The following ZC3H6 variants were observed in gnomAD, a reference collection of about 807,000 sequenced individuals.
The protein encoded by ZC3H6 is zinc finger CCCH domain-containing protein 6.
ZC3H6 carries 40 observed loss-of-function variants against 107.7 expected under a neutral mutation model. The observed-to-expected ratio is 0.37, with a 90% CI of 0.29 to 0.48. The LOEUF (loss-of-function observed/expected upper bound fraction) is 0.48. Among genes scored for constraint, ZC3H6 ranks in the 20% least tolerant of loss-of-function variants. The pLI is 0.98. For missense variants in ZC3H6, 1,267 were observed against 1,410.4 expected, an observed-to-expected ratio of 0.90 and a Z score of 1.63; for synonymous variants, 493 against 487.9, an observed-to-expected ratio of 1.01 and a Z score of -0.14.
Position 112,335,904 on chromosome 2 carries a change from C to A in ZC3H6, c.*3416C>A, listed in dbSNP as rs887530876. 1.3e-5 allele frequency: 2 copies of A among 152,156 alleles called. No homozygotes were observed. Among genetic ancestry groups the A allele is most frequent in the African/African-American group, 4.8e-5 (2 of 41,442 alleles). The allele number at this position is 152,156 out of a possible 1,614,324, so 9.4% of individuals were successfully genotyped here. A position where few individuals can be genotyped will look rare whatever the true frequency, so the allele number is the denominator to read the frequency against. On this transcript the variant is annotated 3_prime_UTR_variant, in exon 12 of 12. Coordinates refer to ENST00000409871, the MANE Select transcript of ZC3H6 (RefSeq NM_198581.3). ...TCAAGATCTGACTTCTCTGCACATTCTATACAGGTTGGATATTGATGGAGG... is the reference window on the plus strand; with the variant it reads ...TCAAGATCTGACTTCTCTGCACATTATATACAGGTTGGATATTGATGGAGG...
At chr2:112,294,750 A>G (rs752062687) in intron 1 of ZC3H6, among the ~76,000 whole-genome samples, 4 of 152,174 alleles carry the variant, frequency 2.6e-5, no homozygotes, top group Non-Finnish European at 4.4e-5. Flanking sequence ...CTATTAAGGC[A>G]TATCAGTTTG....
intron 3 of ZC3H6, among the ~76,000 whole-genome samples, chr2:112,305,891 T>C (rs1458053491): frequency 1.3e-5 from 2 of 152,198 alleles, no homozygotes; most frequent in Non-Finnish European, 2.9e-5. Flanking sequence ...TTACCACATA[T>C]GCTTTACCTA....
chr2:112,276,439 C>G (rs1686426117), intron 1 of ZC3H6, among the ~76,000 whole-genome samples: 3 of 138,392 alleles, frequency 2.2e-5, no homozygotes, highest in Non-Finnish European at 1.5e-5. Context: ...TGACTGCTTC[C>G]CGAGAACCGA....
chr2:112,298,991 T>C (rs1676303698), intron 1 of ZC3H6, among the ~76,000 whole-genome samples: 1 of 152,098 alleles, frequency 6.6e-6, no homozygotes, highest in South Asian at 2.1e-4. Context: ...AAGAATAATT[T>C]GGCCGGGTGT....
At chr2:112,329,353 G>A (rs1166605314) in intron 11 of ZC3H6, among the ~76,000 whole-genome samples, 2 of 152,120 alleles carry the variant, frequency 1.3e-5, no homozygotes, top group South Asian at 2.1e-4. Flanking sequence ...GGAATGAAAA[G>A]AAAGTAAGGA....
Position 112,331,917 on chromosome 2 carries a change from G to C in ZC3H6, c.2999G>C (p.Arg1000Thr). ...HASKGAPHLPRSNPGSSQPSG... is the reference protein window; with the variant it reads ...HASKGAPHLPTSNPGSSQPSG... ...TCAAAGGGTGCCCCTCACTTACCCA[G>C]ATCAAACCCTGGTTCATCACAGCCC... Residue 1000 changes from arginine to threonine, a missense_variant, in exon 12 of 12, where the codon AGA becomes ACA. Coordinates refer to ENST00000409871, the MANE Select transcript of ZC3H6 (RefSeq NM_198581.3). 6.2e-7 allele frequency: 1 copy of C among 1,613,990 alleles called. No homozygotes were observed. Among genetic ancestry groups the C allele is most frequent in the Non-Finnish European group, 8.5e-7 (1 of 1,179,892 alleles).
rs1676207859 is a variant in ZC3H6 at position 112,295,093 on chromosome 2, C to G, written c.33-4756C>G. Reference sequence around the variant, plus strand: ...TAGCATTCACTCCCTATTTTTCCCTCTAATCTACCTGGCAACTCCTAATCT... The same window carrying G: ...TAGCATTCACTCCCTATTTTTCCCTGTAATCTACCTGGCAACTCCTAATCT... On this transcript the variant is annotated intron_variant, in intron 1 of 11. Coordinates refer to ENST00000409871, the MANE Select transcript of ZC3H6 (RefSeq NM_198581.3). Among the ~76,000 whole-genome samples, 4 of 152,240 alleles carry G rather than the reference C, an allele frequency of 2.6e-5. No homozygotes were observed. In the Middle Eastern group the frequency reaches 0.01, roughly 388 times the overall value.
chr2:112,334,964 T>C lies in ZC3H6; in HGVS notation c.*2476T>C, dbSNP rs914654698. 6.6e-6 allele frequency: 1 copy of C among 152,620 alleles called. No homozygotes were observed. Among genetic ancestry groups the C allele is most frequent in the Non-Finnish European group, 1.5e-5 (1 of 68,028 alleles). 9.5% of individuals were successfully genotyped at this position (152,620 alleles called of 1,614,324 possible). A position where few individuals can be genotyped will look rare whatever the true frequency, so the allele number is the denominator to read the frequency against. ...ATAACTTGAGTCTTAAGAGTATGGATAGGCTCATCCAATGAGATGTAACTT... is the reference window on the plus strand; with the variant it reads ...ATAACTTGAGTCTTAAGAGTATGGACAGGCTCATCCAATGAGATGTAACTT... On this transcript the variant is annotated 3_prime_UTR_variant, in exon 12 of 12. Transcript: ENST00000409871.
intron 1 of ZC3H6, among the ~76,000 whole-genome samples, chr2:112,289,686 G>A (rs1452522571): frequency 3.3e-5 from 5 of 152,178 alleles, no homozygotes; most frequent in Non-Finnish European, 7.3e-5. Context: ...CCATTTTCTA[G>A]CTTTATATGA....
intron 1 of ZC3H6, among the ~76,000 whole-genome samples, chr2:112,293,962 A>G (rs1214782169): frequency 6.6e-6 from 1 of 152,174 alleles, no homozygotes; most frequent in African/African-American, 2.4e-5. Flanking sequence ...TCCTGTAGCT[A>G]AGTAGTTTTT....
At position 112,332,111 on chromosome 2, in the gene ZC3H6, G is replaced by A; in HGVS notation, c.3193G>A (p.Ala1065Thr). The A allele has an allele frequency of 6.2e-7, 1 of 1,613,986 alleles. No homozygotes were observed. Among genetic ancestry groups the A allele is most frequent in the East Asian group, 2.2e-5 (1 of 44,884 alleles). The change falls in exon 12 of 12, where the codon GCT (alanine) becomes ACT (threonine). Residue 1065 changes from alanine to threonine, a missense_variant. Physicochemically the swap from Ala to Thr is moderately conservative, Grantham distance 58. Coordinates refer to ENST00000409871, the MANE Select transcript of ZC3H6 (RefSeq NM_198581.3). Reference protein sequence around the residue: ...GSSSTSELATASSGENSKNQK... With the variant: ...GSSSTSELATTSSGENSKNQK... The stretch of plus-strand genomic sequence containing the variant: ...ATCATCCACATCAGAGCTAGCAACA[G>A]CTTCTTCAGGAGAAAACTCAAAGAA...
At chr2:112,329,663 T>A (rs1381613008) in intron 11 of ZC3H6, among the ~76,000 whole-genome samples, 1 of 152,256 alleles carries the variant, frequency 6.6e-6, no homozygotes, top group East Asian at 1.9e-4. Flanking sequence ...GTAGTAGGCA[T>A]GCATTAGTGA....
chr2:112,331,305 T>C lies in ZC3H6; in HGVS notation c.2387T>C (p.Ile796Thr), dbSNP rs370249756. 6.2e-7 allele frequency: 1 copy of C among 1,613,644 alleles called. No homozygotes were observed. Among genetic ancestry groups the C allele is most frequent in the Non-Finnish European group, 8.5e-7 (1 of 1,179,892 alleles). Reference sequence around the variant, plus strand: ...TTGAGAGGGAATGGAAGTGGTCACATAGGCTCTTCTGTTGGTGGAGCAAAG... The same window carrying C: ...TTGAGAGGGAATGGAAGTGGTCACACAGGCTCTTCTGTTGGTGGAGCAAAG... ...RKLRGNGSGH[I>T]GSSVGGAKFD... is the part of the protein sequence containing the mutation. The change falls in exon 12 of 12, where the codon ATA becomes ACA. Residue 796 changes from isoleucine to threonine, a missense_variant. Coordinates refer to ENST00000409871, the MANE Select transcript of ZC3H6 (RefSeq NM_198581.3).
chr2:112,320,423 T>C (rs1428655950), intron 7 of ZC3H6, among the ~76,000 whole-genome samples: 2 of 152,168 alleles, frequency 1.3e-5, no homozygotes, highest in Non-Finnish European at 2.9e-5. Flanking sequence ...CCCTAAATTC[T>C]CATTTGTACA....
intron 7 of ZC3H6, among the ~76,000 whole-genome samples, chr2:112,318,317 G>A (rs1676739335): frequency 6.6e-6 from 1 of 152,134 alleles, no homozygotes; most frequent in African/African-American, 2.4e-5. Context: ...CCATGAAAAA[G>A]CTTGCATTTG....
intron 11 of ZC3H6, among the ~76,000 whole-genome samples, chr2:112,329,218 A>G (rs1423519427): frequency 2.0e-5 from 3 of 152,024 alleles, no homozygotes; most frequent in Admixed American, 2.0e-4. Flanking sequence ...TCTGTTTTCC[A>G]CCAGCCTGTC....
Position 112,325,087 on chromosome 2 carries a change from GCCT to G in ZC3H6, c.1982_1984del (p.Leu661del), listed in dbSNP as rs1558956903. The G allele has an allele frequency of 1.2e-6, 2 of 1,614,032 alleles. No individual in the cohort carries two copies. Among genetic ancestry groups the G allele is most frequent in the South Asian group, 2.2e-5 (2 of 91,084 alleles). Reference sequence around the variant, plus strand: ...GGCCATGGCCCTCTGCCTGTACCAGGCCTCCTCCCTGCAGTGCAAAGAGCTCTT... The same window carrying G: ...GGCCATGGCCCTCTGCCTGTACCAGGCCTCCCTGCAGTGCAAAGAGCTCTT... On this transcript the variant is annotated inframe_deletion, in exon 11 of 12. Coordinates refer to ENST00000409871, the MANE Select transcript of ZC3H6 (RefSeq NM_198581.3).
intron 11 of ZC3H6, among the ~76,000 whole-genome samples, chr2:112,330,614 C>T (rs1003869417): frequency 1.1e-4 from 16 of 152,108 alleles, no homozygotes; most frequent in Non-Finnish European, 1.6e-4. Flanking sequence ...CAGCATTTTC[C>T]TTTCTCCTAC....
intron 7 of ZC3H6, among the ~76,000 whole-genome samples, chr2:112,318,318 C>G (rs573309911): frequency 1.3e-5 from 2 of 152,066 alleles, no homozygotes; most frequent in South Asian, 2.1e-4. Flanking sequence ...CATGAAAAAG[C>G]TTGCATTTGC....
Sources: gnomAD v4.1 joint callset for allele counts (sites outside exome capture counted in the v4.1 genomes callset) on GRCh38, gnomAD v4.1.1 for gene constraint, MANE v1.5 for transcripts, NCBI Gene and HGNC (gene_info 2026-07-23, HGNC 2026-07-21) for gene names.